The following CARD9 variants were observed in gnomAD, a reference collection of about 807,000 sequenced individuals.
CARD9 encodes caspase recruitment domain family member 9, also known as caspase recruitment domain-containing protein 9.
CARD9 carries 53 observed loss-of-function variants against 66.0 expected under a neutral mutation model. The ratio of observed to expected loss-of-function variants is 0.80; its 90% CI spans 0.64 to 1.01. The LOEUF (loss-of-function observed/expected upper bound fraction) is 1.01. Among genes scored for constraint, CARD9 ranks in the 50% least tolerant of loss-of-function variants. The pLI is 0.00. For synonymous variants in CARD9, 387 were observed against 313.8 expected (o/e 1.23, Z -2.47); for missense variants, 769 against 743.2 (o/e 1.03, Z -0.40).
Position 136,366,984 on chromosome 9 carries a change from A to G in CARD9, c.1312-139T>C, listed in dbSNP as rs575554578. 7.3e-6 allele frequency: 8 copies of G among 1,093,346 alleles called. No individual in the cohort carries two copies. The East Asian group carries it at 1.7e-4, about 24-fold the overall frequency. The allele number at this position is 1,093,346 out of a possible 1,614,324, so 67.7% of individuals were successfully genotyped here. A position where few individuals can be genotyped will look rare whatever the true frequency, so the allele number is the denominator to read the frequency against. ...CCTGCACAGAGCTTCTCAGAGACTC[A>G]GGTGCCCAGCAGACGGACATTGGGC... On this transcript the variant is annotated intron_variant, in intron 9 of 12. Transcript: ENST00000371732.
chr9:136,363,965 C>T lies in CARD9; in HGVS notation c.*337G>A. On this transcript the variant is annotated 3_prime_UTR_variant, in exon 13 of 13. Coordinates refer to ENST00000371732, the MANE Select transcript of CARD9 (RefSeq NM_052813.5). ...AGTGTCCGAGCGGGAATGCGGGTCACCCGTGCTGTTTATTTACGCAGCTGT... is the reference window on the plus strand; with the variant it reads ...AGTGTCCGAGCGGGAATGCGGGTCATCCGTGCTGTTTATTTACGCAGCTGT... 2 of 1,052,658 alleles carry T rather than the reference C, an allele frequency of 1.9e-6. No individual in the cohort carries two copies. Among genetic ancestry groups the T allele is most frequent in the Non-Finnish European group, 1.4e-6 (1 of 700,960 alleles). 65.2% of individuals were successfully genotyped at this position (1,052,658 alleles called of 1,614,324 possible).
Position 136,372,089 on chromosome 9 carries a change from G to A in CARD9, c.-11C>T, listed in dbSNP as rs1833291150. 10 of 1,612,238 alleles carry A rather than the reference G, an allele frequency of 6.2e-6. No homozygotes were observed. The highest frequency in any genetic ancestry group is 8.5e-6 in the Non-Finnish European group (10 of 1,179,934). Reference sequence around the variant, plus strand: ...CTCGTAGTCCGACATGGCCTCAGCAGGCAGGCTGGGGAGTGTGGGGCAGTG... The same window carrying A: ...CTCGTAGTCCGACATGGCCTCAGCAAGCAGGCTGGGGAGTGTGGGGCAGTG... On this transcript the variant is annotated 5_prime_UTR_variant, in exon 2 of 13. Coordinates refer to ENST00000371732, the MANE Select transcript of CARD9 (RefSeq NM_052813.5).
Position 136,364,556 on chromosome 9 carries a change from C to T in CARD9, c.1438G>A (p.Ala480Thr), listed in dbSNP as rs1442164218. The change falls in exon 12 of 13, where the codon GCA becomes ACA. Residue 480 changes from alanine (A) to threonine (T), a missense_variant. Ala to Thr is a moderately conservative substitution (Grantham distance 58). Transcript: ENST00000371732. ...QEQVLRNPHDAGLSSGEPPEK... is the reference protein window; with the variant it reads ...QEQVLRNPHDTGLSSGEPPEK... Reference sequence around the variant, plus strand: ...GGCGGCTCCCCGCTGCTCAGGCCTGCGTCCTGGAGAAGGGGGAAGGCTCGG... The same window carrying T: ...GGCGGCTCCCCGCTGCTCAGGCCTGTGTCCTGGAGAAGGGGGAAGGCTCGG... 2.0e-6 allele frequency: 3 copies of T among 1,537,930 alleles called. No homozygotes were observed. The highest frequency in any genetic ancestry group is 2.6e-6 in the Non-Finnish European group (3 of 1,146,304).
intron 11 of CARD9, 52 bp downstream of exon 11, chr9:136,365,089 C>A: frequency 6.4e-7 from 1 of 1,568,282 alleles, no homozygotes; most frequent in Non-Finnish European, 8.7e-7. Flanking sequence ...TCCCTGTGAT[C>A]GGTCACCCTG....
At chr9:136,371,574 G>A (rs1473645812) in intron 2 of CARD9, 113 bp from the exon 3 acceptor site, 9 of 1,452,766 alleles carry the variant, frequency 6.2e-6, no homozygotes, top group African/African-American at 1.4e-5. Flanking sequence ...GAGGTGTGCC[G>A]TGGTCTGGGT....
At position 136,366,808 on chromosome 9, in the gene CARD9, G is replaced by A. The variant is rs1564367133; in HGVS notation, c.1349C>T (p.Ser450Leu). The A allele has an allele frequency of 3.1e-6, 5 of 1,613,124 alleles. No individual in the cohort carries two copies. The highest frequency in any genetic ancestry group is 4.2e-6 in the Non-Finnish European group (5 of 1,179,926). The change falls in exon 10 of 13, where the codon TCA becomes TTA. Residue 450 changes from serine (S) to leucine (L), a missense_variant. Physicochemically the swap from Ser to Leu is moderately radical, Grantham distance 145. Transcript: ENST00000371732. ...LPQDLEDTQL[S>L]DKGCLAGGGS... ...TGCTGTCCCCACCTCACCTTTGTCTGAGAGCTGGGTGTCCTCCAGGTCCTG... is the reference window on the plus strand; with the variant it reads ...TGCTGTCCCCACCTCACCTTTGTCTAAGAGCTGGGTGTCCTCCAGGTCCTG...
At position 136,364,249 on chromosome 9, in the gene CARD9, G is replaced by A. The variant is rs1833057163; in HGVS notation, c.*53C>T. 5 of 1,550,362 alleles carry A rather than the reference G, an allele frequency of 3.2e-6. No homozygotes were observed. Among genetic ancestry groups the A allele is most frequent in the Middle Eastern group, 1.7e-4 (1 of 6,010 alleles). On this transcript the variant is annotated 3_prime_UTR_variant, in exon 13 of 13. Coordinates refer to ENST00000371732, the MANE Select transcript of CARD9 (RefSeq NM_052813.5). ...CCCCAGGGCGTCGGCACCCCCGGGT[G>A]GCAGGAGGCCGGGCCGGTGGGTGTG...
chr9:136,372,098 G>A lies in CARD9; in HGVS notation c.-16-4C>T. On this transcript the variant is annotated splice_region_variant and splice_polypyrimidine_tract_variant and intron_variant, in intron 1 of 12. Transcript: ENST00000371732. ...CGACATGGCCTCAGCAGGCAGGCTG[G>A]GGAGTGTGGGGCAGTGCTGAGAGCG... 6.2e-7 allele frequency: 1 copy of A among 1,612,016 alleles called. No homozygotes were observed. Among genetic ancestry groups the A allele is most frequent in the Non-Finnish European group, 8.5e-7 (1 of 1,179,890 alleles).
In CARD9 at chr9:136,367,808, C is replaced by G. The variant is rs1358186688; in HGVS notation, c.1098G>C (p.Glu366Asp). Residue 366 changes from glutamate to aspartate, a missense_variant, in exon 8 of 13, where the codon GAG becomes GAC. Glu to Asp is a conservative substitution (Grantham distance 45, BLOSUM62 2). Transcript: ENST00000371732. ...GGCCCCGGGCGTGCTGTGCGTGCAGCTCCTCCCGCGTGGCTATGGCCTGAC... is the reference window on the plus strand; with the variant it reads ...GGCCCCGGGCGTGCTGTGCGTGCAGGTCCTCCCGCGTGGCTATGGCCTGAC... ...ERDQAIATRE[E>D]LHAQHARGLQ... 1 of 1,601,494 alleles carries G rather than the reference C, an allele frequency of 6.2e-7. No individual in the cohort carries two copies. Among genetic ancestry groups the G allele is most frequent in the South Asian group, 1.1e-5 (1 of 90,912 alleles).
chr9:136,365,678 C>T (rs536199156), intron 10 of CARD9: 32 of 179,788 alleles, frequency 1.8e-4, no homozygotes, highest in Non-Finnish European at 2.9e-4. Flanking sequence ...AACCTTCAGG[C>T]GGCTGGACCC....
At chr9:136,369,368 G>C (rs1242949318) in intron 7 of CARD9, among the ~76,000 whole-genome samples, 1 of 152,274 alleles carries the variant, frequency 6.6e-6, no homozygotes, top group Non-Finnish European at 1.5e-5. Context: ...ATGATAGACA[G>C]ATGGATACAT....
At chr9:136,366,955 A>AC in intron 9 of CARD9, 110 bp from the exon 10 acceptor site, 1 of 1,299,204 alleles carries the variant, frequency 7.7e-7, no homozygotes, top group South Asian at 1.2e-5. Flanking sequence ...CATTGCCGTC[A>AC]CCCCCTGCAC....
intron 4 of CARD9, 33 bp downstream of exon 4, chr9:136,370,808 G>T (rs1401371556): frequency 6.3e-7 from 1 of 1,596,728 alleles, no homozygotes; most frequent in Admixed American, 1.7e-5. Context: ...GCCAGGCGAG[G>T]GTGGCCTGGT....
rs1187785494 is a variant in CARD9, at chr9:136,372,104, G to A, written c.-16-10C>T. The stretch of plus-strand genomic sequence containing the variant: ...GGCCTCAGCAGGCAGGCTGGGGAGT[G>A]TGGGGCAGTGCTGAGAGCGATGCCG... On this transcript the variant is annotated splice_polypyrimidine_tract_variant and intron_variant, in intron 1 of 12. Coordinates refer to ENST00000371732, the MANE Select transcript of CARD9 (RefSeq NM_052813.5). The A allele has an allele frequency of 1.9e-6, 3 of 1,611,720 alleles. No homozygotes were observed. In the African/African-American group the frequency reaches 4.0e-5, roughly 22 times the overall value.
At position 136,364,083 on chromosome 9, in the gene CARD9, G is replaced by A. The variant is rs1382296687; in HGVS notation, c.*219C>T. ...AGTTACACAGATGGCGTGTGCATGGGGGTGGTGAGCACCCGCATGGCCTCC... is the reference window on the plus strand; with the variant it reads ...AGTTACACAGATGGCGTGTGCATGGAGGTGGTGAGCACCCGCATGGCCTCC... On this transcript the variant is annotated 3_prime_UTR_variant, in exon 13 of 13. Coordinates refer to ENST00000371732, the MANE Select transcript of CARD9 (RefSeq NM_052813.5). The A allele has an allele frequency of 4.5e-6, 7 of 1,549,976 alleles. No homozygotes were observed. The highest frequency in any genetic ancestry group is 6.1e-6 in the Non-Finnish European group (7 of 1,146,414).
At chr9:136,368,822 A>G (rs1833188281) in intron 7 of CARD9, among the ~76,000 whole-genome samples, 1 of 150,106 alleles carries the variant, frequency 6.7e-6, no homozygotes, top group South Asian at 2.1e-4. Flanking sequence ...ACGACCAGTT[A>G]ATTTTTTTTT....
At chr9:136,367,858 G>A (rs1379542494) in intron 7 of CARD9, 30 bp from the exon 8 acceptor site, 3 of 1,580,428 alleles carry the variant, frequency 1.9e-6, no homozygotes, top group African/African-American at 2.7e-5. Context: ...CCGACCCTCA[G>A]TGAGGGCCCC....
chr9:136,367,769 G>A lies in CARD9; in HGVS notation c.1137C>T (p.Asp379=), dbSNP rs778454812. Residue 379 remains aspartate, a synonymous_variant, in exon 8 of 13, where the codon GAC becomes GAT. Transcript: ENST00000371732. ...GCTCCCGCACCTGCTTGCGCAGCGCGTCCTTCTCCTGCAGGCCCCGGGCGT... is the reference window on the plus strand; with the variant it reads ...GCTCCCGCACCTGCTTGCGCAGCGCATCCTTCTCCTGCAGGCCCCGGGCGT... ...AQHARGLQEK[D]ALRKQVRELG... 27 of 1,604,712 alleles carry A rather than the reference G, an allele frequency of 1.7e-5. No homozygotes were observed. Among genetic ancestry groups the A allele is most frequent in the Middle Eastern group, 1.6e-4 (1 of 6,082 alleles).
At chr9:136,369,199 G>T (rs1185845399) in intron 7 of CARD9, among the ~76,000 whole-genome samples, 1 of 151,656 alleles carries the variant, frequency 6.6e-6, no homozygotes, top group Non-Finnish European at 1.5e-5. Flanking sequence ...CAAGTGATCC[G>T]CCCGCCTCAG....
Sources: gnomAD v4.1 joint callset for allele counts (sites outside exome capture counted in the v4.1 genomes callset) on GRCh38, gnomAD v4.1.1 for gene constraint, MANE v1.5 for transcripts, NCBI Gene and HGNC (gene_info 2026-07-23, HGNC 2026-07-21) for gene names.